Variants in NEBL observed in about 807,000 individuals in gnomAD.
The protein encoded by NEBL is LIM and SH3 protein 2.
In NEBL, 122 loss-of-function variants were observed where a neutral mutation model predicts 140.2. That is an observed-to-expected ratio of 0.87 (90% CI 0.75 to 1.01). The LOEUF (loss-of-function observed/expected upper bound fraction) is 1.01. Ranked by LOEUF, NEBL falls within the 50% of genes least tolerant of loss-of-function variation. The pLI, the probability that NEBL is intolerant of heterozygous loss-of-function variation, is 0.00. For synonymous variants in NEBL, 436 were observed against 398.9 expected (o/e 1.09, Z -1.11); for missense variants, 1,365 against 1,231.3 (o/e 1.11, Z -1.62).
intron 1 of NEBL, among the ~76,000 whole-genome samples, chr10:21,289,183 T>C (rs1287021195): frequency 1.3e-4 from 20 of 151,946 alleles, no homozygotes. Context: ...AATCAGGACT[T>C]AAGCCCGGTT....
intron 14 of NEBL, 43 bp downstream of exon 14, chr10:20,835,470 C>G (rs1840782196): frequency 1.4e-6 from 2 of 1,403,278 alleles, no homozygotes; most frequent in Non-Finnish European, 2.0e-6. Flanking sequence ...TTGTTAGGTT[C>G]CAAAATATGA....
chr10:20,942,267 C>T (rs1834912148), intron 4 of NEBL, among the ~76,000 whole-genome samples: 1 of 152,044 alleles, frequency 6.6e-6, no homozygotes, highest in Admixed American at 6.5e-5. Flanking sequence ...CAGAACAGAG[C>T]CCTCAGAAAT....
At chr10:21,037,236 A>T (rs1834049687) in intron 2 of NEBL, among the ~76,000 whole-genome samples, 1 of 151,598 alleles carries the variant, frequency 6.6e-6, no homozygotes, top group African/African-American at 2.4e-5. Context: ...AGCAAGAAAG[A>T]AAAGAACAAA....
At chr10:20,939,402 C>A (rs1271853682) in intron 4 of NEBL, among the ~76,000 whole-genome samples, 1 of 152,144 alleles carries the variant, frequency 6.6e-6, no homozygotes, top group African/African-American at 2.4e-5. Context: ...TTTGTCACCA[C>A]CAAGCCTGCC....
intron 3 of NEBL, among the ~76,000 whole-genome samples, chr10:21,194,961 T>C (rs979272484): frequency 5.9e-5 from 9 of 152,038 alleles, no homozygotes; most frequent in African/African-American, 2.2e-4. Context: ...AAGGCACCTG[T>C]AGTGGGGACA....
chr10:21,119,442 T>C (rs1323572213), intron 2 of NEBL, among the ~76,000 whole-genome samples: 1 of 117,438 alleles, frequency 8.5e-6, no homozygotes, highest in Non-Finnish European at 1.5e-5. Flanking sequence ...ATAACATATA[T>C]AGTTATATTA....
intron 3 of NEBL, among the ~76,000 whole-genome samples, chr10:20,977,897 C>A (rs993673195): frequency 6.6e-6 from 1 of 152,164 alleles, no homozygotes; most frequent in African/African-American, 2.4e-5. Context: ...TCAAGCCTAA[C>A]GTTCCTGCTC....
chr10:21,016,791 C>A (rs943626525), intron 3 of NEBL, among the ~76,000 whole-genome samples: 1 of 152,180 alleles, frequency 6.6e-6, no homozygotes, highest in Non-Finnish European at 1.5e-5. Context: ...AGAATCAAAT[C>A]ATTTAATAGG....
chr10:21,066,379 T>C (rs981913028), intron 2 of NEBL, among the ~76,000 whole-genome samples: 11 of 152,202 alleles, frequency 7.2e-5, no homozygotes, highest in South Asian at 4.1e-4. Flanking sequence ...ATAAAGATGA[T>C]AGCAATTCGT....
intron 4 of NEBL, among the ~76,000 whole-genome samples, chr10:20,929,918 A>C (rs934310333): frequency 2.6e-5 from 4 of 152,158 alleles, no homozygotes; most frequent in African/African-American, 7.2e-5. Context: ...TAAGTCTATA[A>C]AAAATAAAAA....
At chr10:20,911,772 G>T (rs1444864906) in intron 4 of NEBL, among the ~76,000 whole-genome samples, 1 of 152,164 alleles carries the variant, frequency 6.6e-6, no homozygotes, top group Non-Finnish European at 1.5e-5. Flanking sequence ...CATCATCAGT[G>T]GGAAATTAAA....
intron 1 of NEBL, among the ~76,000 whole-genome samples, chr10:21,275,339 A>T (rs1342934326): frequency 5.9e-5 from 9 of 152,230 alleles, no homozygotes; most frequent in Non-Finnish European, 1.3e-4. Context: ...GCTTGACCCC[A>T]GCAGAAAACA....
intron 1 of NEBL, among the ~76,000 whole-genome samples, chr10:21,283,559 AT>A (rs1301790590): frequency 2.0e-5 from 3 of 152,160 alleles, no homozygotes; most frequent in Admixed American, 6.5e-5. Context: ...AGCCTGTGGT[AT>A]TCCAGAATTT....
At position 20,784,153 on chromosome 10, in the gene NEBL, C is replaced by T. The variant is rs910645067; in HGVS notation, c.*1594G>A. ...ATATAAGGCAGATATCCCCAAGACCCGTACATCTTAGTACTTTTTTGCAGT... is the reference window on the plus strand; with the variant it reads ...ATATAAGGCAGATATCCCCAAGACCTGTACATCTTAGTACTTTTTTGCAGT... On this transcript the variant is annotated 3_prime_UTR_variant, in exon 28 of 28. Transcript: ENST00000377122. The T allele has an allele frequency of 1.1e-4, 17 of 152,138 alleles. No homozygotes were observed. Among genetic ancestry groups the T allele is most frequent in the African/African-American group, 2.9e-4 (12 of 41,424 alleles). 9.4% of individuals were successfully genotyped at this position (152,138 alleles called of 1,614,324 possible).
intron 3 of NEBL, among the ~76,000 whole-genome samples, chr10:21,013,457 C>T (rs369925445): frequency 6.6e-6 from 1 of 152,158 alleles, no homozygotes; most frequent in East Asian, 1.9e-4. Context: ...AAATGGCGTT[C>T]AAAGAAAAGA....
chr10:21,021,049 C>T (rs559828486), intron 2 of NEBL, among the ~76,000 whole-genome samples: 18 of 152,266 alleles, frequency 1.2e-4, no homozygotes, highest in African/African-American at 3.6e-4. Flanking sequence ...ACAAGTTCCT[C>T]CCCTGGATCT....
chr10:20,923,276 C>T (rs1278761647), intron 4 of NEBL, among the ~76,000 whole-genome samples: 1 of 152,020 alleles, frequency 6.6e-6, no homozygotes, highest in African/African-American at 2.4e-5. Flanking sequence ...CCATGTTGCC[C>T]ACGCTGGTCT....
rs187259361 is a variant in NEBL at position 21,203,713 on chromosome 10, C to T, written n.349-31236G>A. On this transcript the variant is annotated intron_variant and non_coding_transcript_variant, in intron 3 of 8. Coordinates refer to the NEBL transcript ENST00000675702. ...TAACCCAATAAAAATACACAGATGGCCCCTCGAAAAGGACATTTATTGTTC... is the reference window on the plus strand; with the variant it reads ...TAACCCAATAAAAATACACAGATGGTCCCTCGAAAAGGACATTTATTGTTC... 1.8e-3 allele frequency among the ~76,000 whole-genome samples: 276 copies of T among 152,246 alleles called. 2 individuals carry two copies. Among genetic ancestry groups the T allele is most frequent in the Middle Eastern group, 6.8e-3 (2 of 294 alleles).
intron 4 of NEBL, among the ~76,000 whole-genome samples, chr10:20,940,862 T>C (rs539995469): frequency 2.0e-5 from 3 of 152,220 alleles, no homozygotes; most frequent in South Asian, 4.2e-4. Flanking sequence ...CCTCAACACA[T>C]ACAAACTCCC....
Sources: gnomAD v4.1 joint callset for allele counts (sites outside exome capture counted in the v4.1 genomes callset) on GRCh38, gnomAD v4.1.1 for gene constraint, MANE v1.5 for transcripts, NCBI Gene and HGNC (gene_info 2026-07-23, HGNC 2026-07-21) for gene names.